Variants in YME1L1 observed in about 807,000 individuals in gnomAD.
YME1L1 encodes the protein YME1 like 1 ATPase.
In YME1L1, 39 loss-of-function variants were observed where a neutral mutation model predicts 90.4. The ratio of observed to expected loss-of-function variants is 0.43; its 90% CI spans 0.33 to 0.56. The LOEUF (loss-of-function observed/expected upper bound fraction) is 0.56. Among genes scored for constraint, YME1L1 ranks in the 20% least tolerant of loss-of-function variants. The pLI is 0.03. For synonymous variants in YME1L1, 284 were observed against 287.3 expected, an observed-to-expected ratio of 0.99 and a Z score of 0.12; for missense variants, 617 against 868.4, an observed-to-expected ratio of 0.71 and a Z score of 3.64.
chr10:27,127,610 A>C (rs975824687), intron 8 of YME1L1, among the ~76,000 whole-genome samples: 1 of 152,236 alleles, frequency 6.6e-6, no homozygotes, highest in Non-Finnish European at 1.5e-5. Flanking sequence ...GAATAAAAGA[A>C]GCCTCATACA....
intron 12 of YME1L1, 28 bp from the exon 13 acceptor site, chr10:27,120,575 T>G: frequency 6.4e-7 from 1 of 1,571,092 alleles, no homozygotes; most frequent in Non-Finnish European, 8.7e-7. Flanking sequence ...AAGGAAAATA[T>G]AAATTAAAAC....
chr10:27,142,291 AAATG>A, intron 4 of YME1L1, 92 bp downstream of exon 4: 1 of 705,938 alleles, frequency 1.4e-6, no homozygotes, highest in Middle Eastern at 3.0e-4. Flanking sequence ...TGTGAATTGC[AAATG>A]AATGTTTAGA....
chr10:27,132,041 G>T, intron 7 of YME1L1, 100 bp from the exon 8 acceptor site: 3 of 870,604 alleles, frequency 3.4e-6, no homozygotes, highest in South Asian at 1.7e-5. Flanking sequence ...AAAATTAAAT[G>T]TCTAAGTGAC....
intron 8 of YME1L1, among the ~76,000 whole-genome samples, chr10:27,131,616 T>TGACTAATGTG (rs1317235753): frequency 6.6e-6 from 1 of 152,248 alleles, no homozygotes; most frequent in Non-Finnish European, 1.5e-5. Flanking sequence ...TTAGTCAGCT[T>TGACTAATGTG]GACTCTGAAG....
intron 1 of YME1L1, among the ~76,000 whole-genome samples, chr10:27,153,639 G>C (rs913657335): frequency 6.6e-6 from 1 of 152,118 alleles, no homozygotes; most frequent in African/African-American, 2.4e-5. Context: ...AACAGTTTAC[G>C]ACTCGGAAAT....
At chr10:27,148,782 G>A in intron 2 of YME1L1, 124 bp downstream of exon 2, 1 of 1,239,368 alleles carries the variant, frequency 8.1e-7, no homozygotes, top group African/African-American at 1.5e-5. Context: ...AAGTTTCTCA[G>A]GAGTCAAAAA....
At chr10:27,131,967 T>A (rs1469764165) in intron 7 of YME1L1, 26 bp from the exon 8 acceptor site, 4 of 1,569,876 alleles carry the variant, frequency 2.5e-6, no homozygotes, top group African/African-American at 2.7e-5. Flanking sequence ...GAAATGTTTA[T>A]ATTTGATAGA....
intron 8 of YME1L1, chr10:27,129,219 T>C (rs2056953275): frequency 6.6e-6 from 1 of 151,952 alleles, no homozygotes; most frequent in African/African-American, 2.4e-5. Context: ...AGGCTCAATT[T>C]AGAAAAGGCA....
intron 1 of YME1L1, among the ~76,000 whole-genome samples, chr10:27,151,645 G>A (rs1345725883): frequency 2.0e-5 from 3 of 151,874 alleles, no homozygotes; most frequent in Admixed American, 6.6e-5. Context: ...ACTCTGGGAG[G>A]CCGAGGCGGA....
At chr10:27,145,280 G>GA (rs2057130523) in intron 3 of YME1L1, 148 bp downstream of exon 3, 1 of 635,166 alleles carries the variant, frequency 1.6e-6, no homozygotes, top group Non-Finnish European at 2.3e-6. Context: ...ATTTCAATAT[G>GA]AAAAATTGCA....
chr10:27,144,462 A>G (rs2057121394), intron 3 of YME1L1, among the ~76,000 whole-genome samples: 1 of 152,204 alleles, frequency 6.6e-6, no homozygotes, highest in Non-Finnish European at 1.5e-5. Flanking sequence ...CAAACCTGCT[A>G]TTTTGTTCCT....
chr10:27,130,063 C>A (rs1164001685), intron 8 of YME1L1, among the ~76,000 whole-genome samples: 1 of 152,154 alleles, frequency 6.6e-6, no homozygotes. Context: ...CTCTTGTAAA[C>A]CCACTGCAAT....
chr10:27,149,138 T>C (rs1489557661), intron 1 of YME1L1, 98 bp from the exon 2 acceptor site: 15 of 1,082,742 alleles, frequency 1.4e-5, no homozygotes, highest in Non-Finnish European at 2.0e-5. Flanking sequence ...TAAAGGTACA[T>C]TATATATCAA....
chr10:27,135,256 A>T (rs1564463484), intron 5 of YME1L1, among the ~76,000 whole-genome samples: 1 of 152,166 alleles, frequency 6.6e-6, no homozygotes, highest in Non-Finnish European at 1.5e-5. Context: ...TTAGGGTTTG[A>T]TTGGCTTAAT....
intron 3 of YME1L1, among the ~76,000 whole-genome samples, chr10:27,142,866 C>G (rs1356659335): frequency 6.6e-6 from 1 of 152,076 alleles, no homozygotes; most frequent in East Asian, 2.0e-4. Flanking sequence ...CAGGCGCCCG[C>G]CACCATGCCC....
In YME1L1 at chr10:27,154,302, C is replaced by T; in HGVS notation, c.-92G>A. 6.8e-7 allele frequency: 1 copy of T among 1,472,034 alleles called. No individual in the cohort carries two copies. The highest frequency in any genetic ancestry group is 9.2e-7 in the Non-Finnish European group (1 of 1,089,660). The allele number at this position is 1,472,034 out of a possible 1,614,324, so 91.2% of individuals were successfully genotyped here. Reference sequence around the variant, plus strand: ...GGGAGGCGCTGAGCCCTTCTTTTTTCCTTTTTCTCCGACCCGTTGCCCCTC... The same window carrying T: ...GGGAGGCGCTGAGCCCTTCTTTTTTTCTTTTTCTCCGACCCGTTGCCCCTC... On this transcript the variant is annotated 5_prime_UTR_variant, in exon 1 of 19. Transcript: ENST00000376016.
chr10:27,130,864 AC>A (rs1201120293), intron 8 of YME1L1, among the ~76,000 whole-genome samples: 5 of 152,230 alleles, frequency 3.3e-5, no homozygotes, highest in African/African-American at 9.6e-5. Context: ...AAAAACAAAA[AC>A]AAAAATCTCA....
At chr10:27,149,927 T>A (rs1455701017) in intron 1 of YME1L1, among the ~76,000 whole-genome samples, 2 of 151,080 alleles carry the variant, frequency 1.3e-5, no homozygotes, top group South Asian at 2.1e-4. Context: ...TACAAAAAAA[T>A]TGGCCAGGAA....
intron 18 of YME1L1, 95 bp downstream of exon 18, chr10:27,114,426 G>A (rs1239536096): frequency 2.3e-6 from 2 of 856,458 alleles, no homozygotes; most frequent in South Asian, 2.0e-5. Flanking sequence ...GATGTTTCTA[G>A]TGAACAGAGG....
Sources: allele counts gnomAD v4.1 joint callset (sites outside exome capture counted in the v4.1 genomes callset), GRCh38; gene constraint gnomAD v4.1.1; transcripts MANE v1.5; gene names NCBI Gene and HGNC (gene_info 2026-07-23, HGNC 2026-07-21).